The following WDR4 variants were observed in gnomAD, a reference collection of about 807,000 sequenced individuals.
WDR4 encodes WDR4 tRNA N7-guanosine methyltransferase non-catalytic subunit.
Under a neutral mutation model 48.6 loss-of-function variants are expected in WDR4, and 47 were observed. The observed-to-expected ratio is 0.97, with a 90% CI of 0.77 to 1.23. The LOEUF (loss-of-function observed/expected upper bound fraction) is 1.23. Among genes scored for constraint, WDR4 ranks in the 50% most tolerant of loss-of-function variants. WDR4 has a pLI of 0.00. For missense variants in WDR4, 606 were observed against 551.6 expected (o/e 1.10, Z -0.99); for synonymous variants, 268 against 230.0 (o/e 1.17, Z -1.49).
rs74512479 is a variant in WDR4 at position 42,859,570 on chromosome 21, G to A, written c.627+92C>T. Reference sequence around the variant, plus strand: ...CAGCCACAGCCAGCCAGGGGCCAGCGATCCACAGGGGCCAGGTCCAGGAGG... The same window carrying A: ...CAGCCACAGCCAGCCAGGGGCCAGCAATCCACAGGGGCCAGGTCCAGGAGG... On this transcript the variant is annotated intron_variant, in intron 6 of 10. Transcript: ENST00000398208. The A allele has an allele frequency of 1.2e-4, 172 of 1,376,208 alleles. 4 individuals are homozygous for A. The East Asian group carries it at 2.8e-3, about 22-fold the overall frequency. 85.2% of individuals were successfully genotyped at this position (1,376,208 alleles called of 1,614,324 possible). A position where few individuals can be genotyped will look rare whatever the true frequency, so the allele number is the denominator to read the frequency against.
At chr21:42,870,044 G>C (rs2058336838) in intron 3 of WDR4, among the ~76,000 whole-genome samples, 1 of 150,760 alleles carries the variant, frequency 6.6e-6, no homozygotes, top group Admixed American at 6.6e-5. Context: ...ACCACCAGTA[G>C]AGGGATAGTC....
intron 8 of WDR4, 32 bp downstream of exon 8, chr21:42,854,530 C>G (rs1569316304): frequency 6.2e-7 from 1 of 1,603,708 alleles, no homozygotes; most frequent in Non-Finnish European, 8.5e-7. Flanking sequence ...GTCTGCAGAA[C>G]CGGAGGCCAT....
chr21:42,853,336 C>G (rs2057885233), intron 9 of WDR4, among the ~76,000 whole-genome samples: 1 of 152,220 alleles, frequency 6.6e-6, no homozygotes. Flanking sequence ...AAAAAAAGAA[C>G]TGTTGCAGAC....
At chr21:42,853,985 C>G (rs930728458) in intron 8 of WDR4, among the ~76,000 whole-genome samples, 2 of 152,172 alleles carry the variant, frequency 1.3e-5, no homozygotes, top group Non-Finnish European at 2.9e-5. Flanking sequence ...AGCTAACCAG[C>G]ACGGTACAGG....
intron 6 of WDR4, 119 bp downstream of exon 6, chr21:42,859,543 G>T: frequency 9.0e-6 from 6 of 664,518 alleles, no homozygotes; most frequent in Non-Finnish European, 1.4e-5. Context: ...AGATCTAGTG[G>T]ACAGCCACAG....
chr21:42,852,267 C>T lies in WDR4; in HGVS notation c.1033G>A (p.Ala345Thr). 1 of 1,614,140 alleles carries T rather than the reference C, an allele frequency of 6.2e-7. No homozygotes were observed. Among genetic ancestry groups the T allele is most frequent in the Admixed American group, 1.7e-5 (1 of 60,014 alleles). Residue 345 changes from alanine to threonine, a missense_variant, in exon 10 of 11, where the codon GCC (alanine) becomes ACC (threonine). Transcript: ENST00000398208. ...KVSGVLRGNW[A>T]MLEGSAGADA... The stretch of plus-strand genomic sequence containing the variant: ...CCCGTGCTCTCACCTTCCAGCATGG[C>T]CCAGTTCCCACGAAGAACACCAGAG...
intron 10 of WDR4, among the ~76,000 whole-genome samples, chr21:42,850,846 C>G (rs778136433): frequency 3.9e-5 from 6 of 152,214 alleles, no homozygotes; most frequent in Non-Finnish European, 5.9e-5. Flanking sequence ...TATCTAAGTG[C>G]CAAGGATTGG....
chr21:42,867,252 G>C (rs369225172), intron 3 of WDR4, among the ~76,000 whole-genome samples: 15 of 152,092 alleles, frequency 9.9e-5, no homozygotes, highest in African/African-American at 3.4e-4. Context: ...TTAGTCAGGC[G>C]TGGTGGCTCA....
intron 11 of WDR4, among the ~76,000 whole-genome samples, chr21:42,843,849 G>A (rs112974639): frequency 6.6e-5 from 10 of 152,140 alleles, no homozygotes; most frequent in African/African-American, 9.6e-5. Context: ...GTGAGCCACC[G>A]CACCTGACCT....
chr21:42,851,377 C>A (rs545412280), intron 10 of WDR4, among the ~76,000 whole-genome samples: 127 of 152,324 alleles, frequency 8.3e-4, no homozygotes, highest in African/African-American at 2.8e-3. Flanking sequence ...AGAGGCAGAG[C>A]CAGCGTGCCG....
the WDR4 span, among the ~76,000 whole-genome samples, chr21:42,889,735 G>C: frequency 6.6e-6 from 1 of 152,080 alleles, no homozygotes; most frequent in Non-Finnish European, 1.5e-5. Flanking sequence ...GGAGCCCAAG[G>C]GTTTTCCATA....
chr21:42,862,952 TG>T lies in WDR4; in HGVS notation c.453+487del, dbSNP rs1377492244. On this transcript the variant is annotated intron_variant, in intron 4 of 10. Coordinates refer to ENST00000398208, the MANE Select transcript of WDR4 (RefSeq NM_018669.6). This position sits in a 1 kb window ranked among gnomAD's most constrained non-coding sequence, Gnocchi z 4.3. The stretch of plus-strand genomic sequence containing the variant: ...TCTGTGACACACGGGGCACACAGAG[TG>T]GGGTGACAGGGGCTGCTGGGAGCAG... 1.3e-5 allele frequency among the ~76,000 whole-genome samples: 2 copies of T among 151,892 alleles called. No individual in the cohort carries two copies. Among genetic ancestry groups the T allele is most frequent in the African/African-American group, 4.8e-5 (2 of 41,332 alleles).
At chr21:42,846,018 G>A (rs939984184), downstream of WDR4, among the ~76,000 whole-genome samples, 1 of 152,088 alleles carries the variant, frequency 6.6e-6, no homozygotes, top group African/African-American at 2.4e-5. Context: ...TGCAGTCCCA[G>A]CTACTCAGGA....
At chr21:42,879,590 G>T, upstream of WDR4, 1 of 1,478,700 alleles carries the variant, frequency 6.8e-7, no homozygotes, top group Non-Finnish European at 9.3e-7. Context: ...GCCGAGAGAT[G>T]ACGTATACCC....
rs2057973098 is a variant in WDR4 at position 42,855,745 on chromosome 21, GC to G, written c.662del (p.Gly221AlafsTer113). On this transcript the variant is annotated frameshift_variant, in exon 7 of 11. Transcript: ENST00000398208. LOFTEE classifies it high-confidence loss of function. The stretch of plus-strand genomic sequence containing the variant: ...CCAGGTGACAGCAGTGCAGCTGGCG[GC>G]CGCTCCTGTACTCCCAGAGCCTCAG... ...GTLRLWEYRSGRQLHCCHLAS... is the reference protein window; with the variant it reads ...GTLRLWEYRSXRQLHCCHLAS... 6.4e-7 allele frequency: 1 copy of G among 1,553,362 alleles called. No homozygotes were observed. Among genetic ancestry groups the G allele is most frequent in the Non-Finnish European group, 8.7e-7 (1 of 1,148,156 alleles).
intron 5 of WDR4, among the ~76,000 whole-genome samples, chr21:42,860,144 G>A (rs1167203685): frequency 1.3e-5 from 2 of 152,070 alleles, no homozygotes; most frequent in Non-Finnish European, 2.9e-5. Flanking sequence ...GAGACTCAAA[G>A]ACACGGGGGA....
At chr21:42,863,261 CG>C (rs1255834733) in intron 4 of WDR4, among the ~76,000 whole-genome samples, 178 bp downstream of exon 4, 1 of 152,220 alleles carries the variant, frequency 6.6e-6, no homozygotes, top group Non-Finnish European at 1.5e-5. Context: ...ACCGGGCAGA[CG>C]TTGATTCAGC....
In WDR4 at chr21:42,853,588, G is replaced by C. The variant is rs370024053; in HGVS notation, c.956C>G (p.Pro319Arg). Residue 319 changes from proline (P) to arginine (R), a missense_variant, in exon 9 of 11, where the codon CCT becomes CGT. By Grantham distance (103) the Pro-to-Arg change is moderately radical (BLOSUM62 -2). Transcript: ENST00000398208. Reference sequence around the variant, plus strand: ...TCTCACCTGCCACTGGTCGCCCACAGGCCTGTAGAGCACCAGGGGGGCTTC... The same window carrying C: ...TCTCACCTGCCACTGGTCGCCCACACGCCTGTAGAGCACCAGGGGGGCTTC... ...CQEAPLVLYRPVGDQWQSVPE... is the reference protein window; with the variant it reads ...CQEAPLVLYRRVGDQWQSVPE... 258 of 1,610,934 alleles carry C rather than the reference G, an allele frequency of 1.6e-4. 4 individuals are homozygous for C. In the Middle Eastern group the frequency reaches 2.0e-3, roughly 12 times the overall value.
Position 42,879,322 on chromosome 21 carries a change from A to G in WDR4, c.89+85T>C. 3 of 1,557,918 alleles carry G rather than the reference A, an allele frequency of 1.9e-6. No individual in the cohort carries two copies. The African/African-American group carries it at 4.1e-5, about 21-fold the overall frequency. On this transcript the variant is annotated intron_variant, in intron 1 of 10. Coordinates refer to ENST00000398208, the MANE Select transcript of WDR4 (RefSeq NM_018669.6). ...GGGTCACCCCAGAGTGGGTGCGACC[A>G]GGCGGTGCGGGAGAAGCGGGGTCGC...
Sources: allele counts gnomAD v4.1 joint callset (sites outside exome capture counted in the v4.1 genomes callset), GRCh38; gene constraint gnomAD v4.1.1; non-coding constraint Gnocchi (gnomAD v3.1); transcripts MANE v1.5; gene names NCBI Gene and HGNC (gene_info 2026-07-23, HGNC 2026-07-21).